The following ZNF407 variants were observed in gnomAD, a reference collection of about 807,000 sequenced individuals.
ZNF407 encodes the protein zinc finger protein 407.
ZNF407 carries 17 observed loss-of-function variants against 131.2 expected under a neutral mutation model. That is an observed-to-expected ratio of 0.13 (90% confidence interval 0.09 to 0.19). The LOEUF (loss-of-function observed/expected upper bound fraction) is 0.19, where lower values mean the gene tolerates loss of function less well. ZNF407 is among the 10% of genes least tolerant of loss of function. The probability of loss-of-function intolerance (pLI) is 1.00; values close to 1 mark genes in which losing one functional copy is unlikely to be tolerated. For synonymous variants in ZNF407, 1,156 were observed against 1,062.0 expected (o/e 1.09, Z -1.72); for missense variants, 2,681 against 2,830.6 (o/e 0.95, Z 1.20).
Position 74,920,670 on chromosome 18 carries a change from G to C in ZNF407, c.5406G>C (p.Pro1802=), listed in dbSNP as rs376158956. The change falls in exon 8 of 9, where the codon CCG becomes CCC. Residue 1802 remains proline (P), a synonymous_variant. Coordinates refer to ENST00000299687, the MANE Select transcript of ZNF407 (RefSeq NM_017757.3). ...AACAGCATCCTGACATCGAAAACCCGGACCTCGCTTACCTGCATGCTGGTA... is the reference window on the plus strand; with the variant it reads ...AACAGCATCCTGACATCGAAAACCCCGACCTCGCTTACCTGCATGCTGGTA... ...LKEQHPDIEN[P]DLAYLHAGIV... The C allele has an allele frequency of 1.2e-6, 2 of 1,608,182 alleles. No individual in the cohort carries two copies. The highest frequency in any genetic ancestry group is 1.7e-6 in the Non-Finnish European group (2 of 1,175,354).
At chr18:74,693,285 T>C (rs1967274052) in intron 3 of ZNF407, among the ~76,000 whole-genome samples, 1 of 152,262 alleles carries the variant, frequency 6.6e-6, no homozygotes, top group South Asian at 2.1e-4. Context: ...TATCCGACTC[T>C]TTCTCATTGT....
intron 4 of ZNF407, among the ~76,000 whole-genome samples, chr18:74,785,477 T>A (rs1416712153): frequency 6.6e-6 from 1 of 152,204 alleles, no homozygotes; most frequent in East Asian, 1.9e-4. Context: ...CCCCACCTAA[T>A]GTAATTGCGG....
At chr18:74,627,621 G>T (rs1983841938) in intron 1 of ZNF407, among the ~76,000 whole-genome samples, 1 of 151,790 alleles carries the variant, frequency 6.6e-6, no homozygotes. Context: ...ATGAGCCACT[G>T]TGCCCAGCCA....
intron 3 of ZNF407, among the ~76,000 whole-genome samples, chr18:74,716,284 G>C (rs1388957417): frequency 6.6e-6 from 1 of 152,142 alleles, no homozygotes; most frequent in Non-Finnish European, 1.5e-5. Flanking sequence ...TTGCCTTATT[G>C]TGGGAATGTT....
At chr18:74,948,926 A>G (rs944691641) in intron 8 of ZNF407, among the ~76,000 whole-genome samples, 7 of 152,234 alleles carry the variant, frequency 4.6e-5, no homozygotes, top group Admixed American at 1.3e-4. Context: ...TAAAGGTTTC[A>G]TTTCAGTATG....
At chr18:74,839,698 A>T (rs1361914179) in intron 4 of ZNF407, among the ~76,000 whole-genome samples, 3 of 152,218 alleles carry the variant, frequency 2.0e-5, no homozygotes, top group African/African-American at 7.2e-5. Context: ...GTTGCTAAGC[A>T]GTGTGGATAC....
chr18:74,622,407 G>C (rs887933892), intron 1 of ZNF407, among the ~76,000 whole-genome samples: 15 of 152,246 alleles, frequency 9.9e-5, no homozygotes, highest in Non-Finnish European at 1.9e-4. Context: ...GCTCGCAGGG[G>C]GCTTGTGGGC....
intron 8 of ZNF407, among the ~76,000 whole-genome samples, chr18:74,994,723 A>G (rs1156685725): frequency 1.3e-5 from 2 of 152,166 alleles, no homozygotes; most frequent in East Asian, 3.9e-4. Flanking sequence ...CATATGCAAA[A>G]GACGGCAGCG....
At chr18:75,004,454 C>G (rs971502049) in intron 8 of ZNF407, among the ~76,000 whole-genome samples, 1 of 152,170 alleles carries the variant, frequency 6.6e-6, no homozygotes, top group Non-Finnish European at 1.5e-5. Context: ...AGGACAGGCC[C>G]GTGCCACCGA....
At chr18:74,900,839 C>G (rs1209804132) in intron 7 of ZNF407, among the ~76,000 whole-genome samples, 1 of 152,188 alleles carries the variant, frequency 6.6e-6, no homozygotes, top group African/African-American at 2.4e-5. Context: ...CAAGCATGAA[C>G]TAAATTATAT....
chr18:74,815,476 A>G (rs972947234), intron 4 of ZNF407, among the ~76,000 whole-genome samples: 1 of 152,032 alleles, frequency 6.6e-6, no homozygotes, highest in Non-Finnish European at 1.5e-5. Flanking sequence ...TTCTTCCCCT[A>G]ATCTCCAGGA....
rs555123444 is a variant in ZNF407 at position 74,612,739 on chromosome 18, A to T, written c.-54+14802A>T. ...GCAGTGACTCTGTGGGGTAGGCGTT[A>T]TTAATAAGTGTTATCCTTGCTTTGC... On this transcript the variant is annotated intron_variant, in intron 1 of 8. Coordinates refer to ENST00000299687, the MANE Select transcript of ZNF407 (RefSeq NM_017757.3). 2.6e-5 allele frequency among the ~76,000 whole-genome samples: 4 copies of T among 152,330 alleles called. No homozygotes were observed. In the South Asian group the frequency reaches 8.3e-4, roughly 32 times the overall value.
At chr18:74,755,582 G>GTTTTTTTTT (rs541126314) in intron 3 of ZNF407, among the ~76,000 whole-genome samples, 9 of 87,336 alleles carry the variant, frequency 1.0e-4, no homozygotes, top group African/African-American at 4.5e-4. Context: ...CTCCTTTCTG[G>GTTTTTTTTT]TTTTTTTTTT....
At chr18:74,850,557 A>G (rs1257722464) in intron 4 of ZNF407, among the ~76,000 whole-genome samples, 1 of 152,176 alleles carries the variant, frequency 6.6e-6, no homozygotes, top group Non-Finnish European at 1.5e-5. Context: ...AATTCAACGA[A>G]TATTTTTATT....
At chr18:74,617,645 G>A (rs1983373258) in intron 1 of ZNF407, among the ~76,000 whole-genome samples, 1 of 152,082 alleles carries the variant, frequency 6.6e-6, no homozygotes, top group Non-Finnish European at 1.5e-5. Flanking sequence ...TAATGACCAG[G>A]TGATGTCATG....
intron 7 of ZNF407, among the ~76,000 whole-genome samples, chr18:74,902,742 A>C (rs1035669201): frequency 6.6e-6 from 1 of 152,222 alleles, no homozygotes; most frequent in African/African-American, 2.4e-5. Context: ...ATACTCAGCA[A>C]CTGTAGACTT....
chr18:74,598,673 C>T (rs1257829350), intron 1 of ZNF407, among the ~76,000 whole-genome samples: 2 of 152,272 alleles, frequency 1.3e-5, no homozygotes, highest in Non-Finnish European at 2.9e-5. Context: ...CCATTCCCGA[C>T]TTCAGCTCGC....
intron 8 of ZNF407, among the ~76,000 whole-genome samples, chr18:75,058,781 T>C (rs868673452): frequency 6.6e-5 from 10 of 152,374 alleles, no homozygotes; most frequent in Middle Eastern, 3.4e-3. Context: ...CAGTACATTC[T>C]TGGTCATAGC....
At chr18:74,645,230 T>C (rs1291466665) in intron 3 of ZNF407, among the ~76,000 whole-genome samples, 2 of 152,102 alleles carry the variant, frequency 1.3e-5, no homozygotes, top group Non-Finnish European at 2.9e-5. Context: ...GAGAGGGATA[T>C]AATTGATAAA....
Sources: allele counts gnomAD v4.1 joint callset (sites outside exome capture counted in the v4.1 genomes callset), GRCh38; gene constraint gnomAD v4.1.1; transcripts MANE v1.5; gene names NCBI Gene and HGNC (gene_info 2026-07-23, HGNC 2026-07-21).